Variants in REDIC1 observed in about 807,000 individuals in gnomAD.
REDIC1 encodes HEI10 Interacting Protein 1.
At chr12:39,813,822 G>A in the REDIC1 span, among the ~76,000 whole-genome samples, 6,386 of 152,158 alleles carry the variant, frequency 0.042, 444 homozygotes, top group African/African-American at 0.14. Context: ...AGATGTAATT[G>A]GGAATATTAA....
At chr12:39,726,429 T>C in the REDIC1 span, among the ~76,000 whole-genome samples, 1 of 152,146 alleles carries the variant, frequency 6.6e-6, no homozygotes, top group Admixed American at 6.6e-5. Context: ...TTTCTGTTCC[T>C]GTGTTAGTTT....
the REDIC1 span, among the ~76,000 whole-genome samples, chr12:39,895,963 T>A: frequency 6.9e-6 from 1 of 145,258 alleles, no homozygotes; most frequent in Admixed American, 6.8e-5. Context: ...TGTGTATATA[T>A]ACATGTGTAT....
the REDIC1 span, chr12:39,802,137 T>A: frequency 6.6e-6 from 1 of 152,238 alleles, no homozygotes; most frequent in South Asian, 2.1e-4. Flanking sequence ...GGGTGTGTAA[T>A]CTTTGCGACT....
chr12:39,731,999 TG>T, the REDIC1 span, among the ~76,000 whole-genome samples: 1 of 152,208 alleles, frequency 6.6e-6, no homozygotes, highest in Non-Finnish European at 1.5e-5. Flanking sequence ...AGCCCTTTCA[TG>T]GGTCCTGTTC....
chr12:39,748,643 T>C, the REDIC1 span, among the ~76,000 whole-genome samples: 1 of 152,208 alleles, frequency 6.6e-6, no homozygotes, highest in Non-Finnish European at 1.5e-5. Context: ...ACTGCACTTA[T>C]TCCAAAATTG....
the REDIC1 span, among the ~76,000 whole-genome samples, chr12:39,654,587 T>TAA: frequency 8.4e-5 from 12 of 143,402 alleles, no homozygotes; most frequent in South Asian, 4.5e-4. Context: ...GACTCTGTCT[T>TAA]AAAAAAAAAA....
chr12:39,709,840 C>G, the REDIC1 span, among the ~76,000 whole-genome samples: 53 of 151,874 alleles, frequency 3.5e-4, no homozygotes, highest in African/African-American at 1.1e-3. Flanking sequence ...TATATACTCA[C>G]AAGTTATATT....
At chr12:39,836,467 T>C in the REDIC1 span, among the ~76,000 whole-genome samples, 113 of 151,984 alleles carry the variant, frequency 7.4e-4, no homozygotes, top group African/African-American at 2.7e-3. Flanking sequence ...CTATTCAACA[T>C]AGTGTTGGAA....
the REDIC1 span, chr12:39,764,332 A>G: frequency 1.2e-6 from 1 of 801,872 alleles, no homozygotes; most frequent in Non-Finnish European, 1.8e-6. Context: ...AGGACAAGAA[A>G]GCCACATGGA....
chr12:39,828,504 A>C, the REDIC1 span, among the ~76,000 whole-genome samples: 1 of 152,134 alleles, frequency 6.6e-6, no homozygotes, highest in African/African-American at 2.4e-5. Flanking sequence ...TGTTATTTGC[A>C]AAAAAGCCAA....
chr12:39,686,749 T>A, the REDIC1 span, among the ~76,000 whole-genome samples: 32 of 152,330 alleles, frequency 2.1e-4, no homozygotes, highest in Admixed American at 9.1e-4. Context: ...GGCTGCAAAT[T>A]TTCCAAACTT....
chr12:39,646,385 A>T, the REDIC1 span: 1 of 1,455,964 alleles, frequency 6.9e-7, no homozygotes, highest in South Asian at 1.6e-5. Flanking sequence ...AATGCCCCTA[A>T]GAAAGCATAA....
the REDIC1 span, among the ~76,000 whole-genome samples, chr12:39,873,785 G>C: frequency 2.0e-5 from 3 of 152,172 alleles, no homozygotes; most frequent in East Asian, 1.9e-4. Flanking sequence ...ATGAAAAAAA[G>C]TTCCATAGCT....
the REDIC1 span, among the ~76,000 whole-genome samples, chr12:39,634,110 G>A: frequency 1.3e-5 from 2 of 151,992 alleles, no homozygotes; most frequent in Admixed American, 6.6e-5. Flanking sequence ...ATTTCGTTGA[G>A]CAGTGGTTTG....
chr12:39,896,290 ATGTG>A, the REDIC1 span, among the ~76,000 whole-genome samples: 1 of 99,184 alleles, frequency 1.0e-5, no homozygotes, highest in African/African-American at 3.7e-5. Flanking sequence ...ATGTATGTAT[ATGTG>A]TGTATATATG....
chr12:39,903,625 G>A, the REDIC1 span, among the ~76,000 whole-genome samples: 4 of 151,948 alleles, frequency 2.6e-5, no homozygotes, highest in African/African-American at 9.7e-5. Flanking sequence ...TTTCCCTCTT[G>A]GAGGGAAAAT....
chr12:39,834,796 T>G, the REDIC1 span, among the ~76,000 whole-genome samples: 5 of 152,066 alleles, frequency 3.3e-5, no homozygotes. Flanking sequence ...TATAGACTAT[T>G]TTATGGCAAA....
the REDIC1 span, among the ~76,000 whole-genome samples, chr12:39,769,516 GA>G: frequency 1.5e-5 from 2 of 130,900 alleles, no homozygotes. Context: ...CAATATTTGA[GA>G]AAAGAAAGTT....
At chr12:39,721,062 A>C in the REDIC1 span, 2 of 1,613,710 alleles carry the variant, frequency 1.2e-6, no homozygotes, top group Non-Finnish European at 1.7e-6. Context: ...TGCAGGCTGC[A>C]AGGTGTGATG....
Sources: allele counts gnomAD v4.1 joint callset (sites outside exome capture counted in the v4.1 genomes callset), GRCh38; gene constraint gnomAD v4.1.1; transcripts MANE v1.5; gene names NCBI Gene and HGNC (gene_info 2026-07-23, HGNC 2026-07-21).